Variants in DOK6 observed in about 807,000 individuals in gnomAD.
DOK6 encodes docking protein 6, also known as downstream of tyrosine kinase 6.
A neutral mutation model predicts 44.0 loss-of-function variants in DOK6; 22 were observed. The observed-to-expected ratio is 0.50, with a 90% CI of 0.36 to 0.71. The LOEUF (loss-of-function observed/expected upper bound fraction) is 0.71. DOK6 is among the 30% of genes least tolerant of loss of function. The probability of loss-of-function intolerance (pLI) is 0.00; values close to 1 mark genes in which losing one functional copy is unlikely to be tolerated. For missense variants in DOK6, 340 were observed against 416.4 expected (o/e 0.82, Z 1.60); for synonymous variants, 166 against 145.5 (o/e 1.14, Z -1.01).
chr18:69,677,842 G>T lies in DOK6; in HGVS notation c.398G>T (p.Arg133Leu). ...GACCTTCTGGCCGCAGGAGTGCAGC[G>T]GGAACAGAATGGTAGGTGTGAGATT... ...EPDLLAAGVQ[R>L]EQNERFNVYL... The change falls in exon 4 of 8, where the codon CGG becomes CTG. Residue 133 changes from arginine to leucine, a missense_variant. Coordinates refer to ENST00000382713, the MANE Select transcript of DOK6 (RefSeq NM_152721.6). 2 of 1,613,418 alleles carry T rather than the reference G, an allele frequency of 1.2e-6. No individual in the cohort carries two copies. Among genetic ancestry groups the T allele is most frequent in the Non-Finnish European group, 8.5e-7 (1 of 1,179,626 alleles).
At chr18:69,493,023 G>C (rs1980780787) in intron 1 of DOK6, among the ~76,000 whole-genome samples, 1 of 151,818 alleles carries the variant, frequency 6.6e-6, no homozygotes, top group Non-Finnish European at 1.5e-5. Flanking sequence ...CACAGCAAAT[G>C]CCCTCAAAAT....
At chr18:69,404,786 G>GGTGTGTGT (rs59807127) in intron 1 of DOK6, among the ~76,000 whole-genome samples, 1 of 149,844 alleles carries the variant, frequency 6.7e-6, no homozygotes, top group Non-Finnish European at 1.5e-5. Context: ...AGGATAGGGT[G>GGTGTGTGT]GTGTGTGTGT....
chr18:69,510,039 A>G (rs115678225), intron 1 of DOK6, among the ~76,000 whole-genome samples: 389 of 152,348 alleles, frequency 2.6e-3, no homozygotes, highest in African/African-American at 8.6e-3. Context: ...GAAGAATGGC[A>G]ATTAGATGTA....
chr18:69,738,501 A>T (rs1370063717), intron 5 of DOK6, among the ~76,000 whole-genome samples: 1 of 152,212 alleles, frequency 6.6e-6, no homozygotes, highest in East Asian at 1.9e-4. Flanking sequence ...AGTAATTCTA[A>T]TTAGATAGTT....
chr18:69,767,196 C>A (rs942485142), intron 7 of DOK6, among the ~76,000 whole-genome samples: 8 of 152,112 alleles, frequency 5.3e-5, no homozygotes, highest in African/African-American at 1.9e-4. Flanking sequence ...TGCACCACTG[C>A]ACTCCAGCCT....
At chr18:69,768,084 AG>A (rs1979773400) in intron 7 of DOK6, among the ~76,000 whole-genome samples, 1 of 152,204 alleles carries the variant, frequency 6.6e-6, no homozygotes, top group Admixed American at 6.5e-5. Flanking sequence ...TTTAAATAAA[AG>A]AAGTAACATA....
intron 1 of DOK6, among the ~76,000 whole-genome samples, chr18:69,494,238 G>C (rs988420598): frequency 6.6e-6 from 1 of 152,174 alleles, no homozygotes; most frequent in African/African-American, 2.4e-5. Context: ...AACTTTGGGA[G>C]GCCAAGGTGA....
chr18:69,639,060 C>T (rs1486656590), intron 3 of DOK6, among the ~76,000 whole-genome samples: 1 of 152,216 alleles, frequency 6.6e-6, no homozygotes, highest in East Asian at 1.9e-4. Context: ...GGGACAGAAA[C>T]TGAAGACTTT....
chr18:69,509,438 C>T (rs970113383), intron 1 of DOK6, among the ~76,000 whole-genome samples: 10 of 152,024 alleles, frequency 6.6e-5, no homozygotes, highest in South Asian at 2.1e-4. Context: ...GAGATCGAGA[C>T]CATCCTGGCT....
intron 1 of DOK6, among the ~76,000 whole-genome samples, chr18:69,539,396 G>A (rs1047087822): frequency 1.3e-5 from 2 of 150,562 alleles, no homozygotes; most frequent in African/African-American, 4.9e-5. Flanking sequence ...TGTAGTTCTA[G>A]AGTTTTTTTG....
chr18:69,689,710 TAGTAC>T (rs1299552232), intron 4 of DOK6, among the ~76,000 whole-genome samples: 3 of 152,134 alleles, frequency 2.0e-5, no homozygotes, highest in African/African-American at 4.8e-5. Flanking sequence ...TAGGAGAATA[TAGTAC>T]AGTAAACTCT....
intron 1 of DOK6, among the ~76,000 whole-genome samples, chr18:69,528,785 G>A (rs147972934): frequency 6.6e-6 from 1 of 152,094 alleles, no homozygotes; most frequent in Non-Finnish European, 1.5e-5. Flanking sequence ...ATCTTGGTTC[G>A]AAACTATTTA....
At chr18:69,602,634 A>C (rs1983898873) in intron 3 of DOK6, among the ~76,000 whole-genome samples, 1 of 152,248 alleles carries the variant, frequency 6.6e-6, no homozygotes, top group Non-Finnish European at 1.5e-5. Context: ...ATACTAATGT[A>C]AGATGTTACT....
chr18:69,636,361 C>T (rs1251085630), intron 3 of DOK6, among the ~76,000 whole-genome samples: 1 of 152,102 alleles, frequency 6.6e-6, no homozygotes, highest in African/African-American at 2.4e-5. Flanking sequence ...TGGCACAGAC[C>T]CCCTTGTCAC....
intron 1 of DOK6, among the ~76,000 whole-genome samples, chr18:69,403,422 GCAAATGTATATTTACACTTA>G (rs1916139990): frequency 6.6e-6 from 1 of 152,174 alleles, no homozygotes; most frequent in African/African-American, 2.4e-5. Context: ...AACGATGTGT[GCAAATGTATATTTACACTTA>G]CAAAGCCTCT....
intron 5 of DOK6, among the ~76,000 whole-genome samples, chr18:69,718,465 A>C (rs1986932872): frequency 2.0e-5 from 3 of 152,214 alleles, no homozygotes; most frequent in Admixed American, 2.0e-4. Context: ...GTAAACTCTT[A>C]TGTGAGTTGA....
intron 7 of DOK6, among the ~76,000 whole-genome samples, chr18:69,839,647 C>T (rs1040985645): frequency 3.3e-5 from 5 of 152,222 alleles, no homozygotes; most frequent in South Asian, 2.1e-4. Context: ...TGCAGACATG[C>T]GCAACAGCAG....
chr18:69,587,930 G>A (rs187360894), intron 2 of DOK6, among the ~76,000 whole-genome samples: 3 of 152,228 alleles, frequency 2.0e-5, no homozygotes, highest in Admixed American at 1.3e-4. Flanking sequence ...GCATAATAAG[G>A]TAATGAGGTT....
At chr18:69,424,247 C>T (rs956695665) in intron 1 of DOK6, among the ~76,000 whole-genome samples, 1 of 152,174 alleles carries the variant, frequency 6.6e-6, no homozygotes, top group Non-Finnish European at 1.5e-5. Context: ...GATGGTGTAT[C>T]CAAATGCAGC....
Sources: gnomAD v4.1 joint callset for allele counts (sites outside exome capture counted in the v4.1 genomes callset) on GRCh38, gnomAD v4.1.1 for gene constraint, MANE v1.5 for transcripts, NCBI Gene and HGNC (gene_info 2026-07-23, HGNC 2026-07-21) for gene names.